The following KLF8 variants were observed in gnomAD, a reference collection of about 807,000 sequenced individuals.
KLF8 encodes Krueppel-like factor 8.
KLF8 carries 10 observed loss-of-function variants against 18.2 expected under a neutral mutation model. That is an observed-to-expected ratio of 0.55 (90% CI 0.34 to 0.93). The LOEUF (loss-of-function observed/expected upper bound fraction) is 0.93, where lower values mean the gene tolerates loss of function less well. Ranked by LOEUF, KLF8 falls within the 40% of genes least tolerant of loss-of-function variation. The pLI, the probability that KLF8 is intolerant of heterozygous loss-of-function variation, is 0.02. For missense variants in KLF8, 264 were observed against 277.9 expected, an observed-to-expected ratio of 0.95 and a Z score of 0.36; for synonymous variants, 109 against 97.3, an observed-to-expected ratio of 1.12 and a Z score of -0.71.
chrX:55,945,755 A>T, the KLF8 span, among the ~76,000 whole-genome samples: 1 of 111,361 alleles, frequency 9.0e-6, no homozygotes, highest in Non-Finnish European at 1.9e-5. Context: ...GTCTCAGCCC[A>T]AAATCTCCTT....
the KLF8 span, among the ~76,000 whole-genome samples, chrX:56,165,869 A>T: frequency 9.0e-6 from 1 of 110,720 alleles, no homozygotes; most frequent in African/African-American, 3.3e-5. Context: ...AAAAAAAAAA[A>T]AAAAGCCTTC....
the KLF8 span, among the ~76,000 whole-genome samples, chrX:56,051,189 T>C: frequency 9.0e-6 from 1 of 111,723 alleles, no homozygotes; most frequent in Non-Finnish European, 1.9e-5. Context: ...GTTTCCTGAA[T>C]ACAGCATACT....
At chrX:56,211,952 T>G in the KLF8 span, among the ~76,000 whole-genome samples, 1 of 111,221 alleles carries the variant, frequency 9.0e-6, no homozygotes, top group Non-Finnish European at 1.9e-5. Context: ...TCTCAGCGGC[T>G]CACCCAAGGC....
chrX:56,089,282 A>G, the KLF8 span, among the ~76,000 whole-genome samples: 2 of 112,107 alleles, frequency 1.8e-5, no homozygotes, highest in Non-Finnish European at 3.8e-5. Context: ...ACCAAGTAGT[A>G]AATGACTATT....
At chrX:55,921,425 C>T in the KLF8 span, among the ~76,000 whole-genome samples, 25 of 111,890 alleles carry the variant, frequency 2.2e-4, no homozygotes, top group Non-Finnish European at 7.5e-5. Context: ...GGGTACCATG[C>T]TGTTTTGGTT....
At chrX:56,050,024 A>T in the KLF8 span, among the ~76,000 whole-genome samples, 1 of 111,155 alleles carries the variant, frequency 9.0e-6, no homozygotes, top group Admixed American at 9.5e-5. Flanking sequence ...GAATTTACAC[A>T]TTTCTTCTAG....
chrX:56,096,762 G>A, the KLF8 span, among the ~76,000 whole-genome samples: 1 of 110,710 alleles, frequency 9.0e-6, no homozygotes, highest in Non-Finnish European at 1.9e-5. Flanking sequence ...ACTCTAGACA[G>A]GCTAATCTAA....
the KLF8 span, among the ~76,000 whole-genome samples, chrX:56,122,864 C>T: frequency 9.0e-6 from 1 of 111,290 alleles, no homozygotes; most frequent in East Asian, 2.8e-4. Flanking sequence ...GCTGGGACTA[C>T]AGCTGTGAGC....
At chrX:56,240,277 T>C (rs993619898) in intron 1 of KLF8, among the ~76,000 whole-genome samples, 1 of 112,097 alleles carries the variant, frequency 8.9e-6, no homozygotes, top group African/African-American at 3.2e-5. Flanking sequence ...GTCTTGGTGC[T>C]CCTGAGCCAC....
the KLF8 span, among the ~76,000 whole-genome samples, chrX:55,985,161 G>T: frequency 9.0e-6 from 1 of 111,016 alleles, no homozygotes; most frequent in East Asian, 2.8e-4. Context: ...TGCTTTTGTC[G>T]CAATTGCTCT....
At chrX:56,022,918 G>A in the KLF8 span, among the ~76,000 whole-genome samples, 1 of 110,724 alleles carries the variant, frequency 9.0e-6, no homozygotes, top group East Asian at 2.8e-4. Flanking sequence ...AGAAAATTAT[G>A]TATATATATA....
the KLF8 span, among the ~76,000 whole-genome samples, chrX:56,039,838 A>G: frequency 6.3e-5 from 7 of 111,449 alleles, no homozygotes; most frequent in African/African-American, 2.0e-4. Context: ...CATTTTTATT[A>G]TATTGATTTT....
the KLF8 span, among the ~76,000 whole-genome samples, chrX:55,982,118 G>A: frequency 9.0e-6 from 1 of 111,236 alleles, no homozygotes; most frequent in Non-Finnish European, 1.9e-5. Flanking sequence ...AGGAAAGCAA[G>A]CAGGGATTCA....
At chrX:56,107,901 T>G in the KLF8 span, among the ~76,000 whole-genome samples, 13 of 111,729 alleles carry the variant, frequency 1.2e-4, no homozygotes, top group Non-Finnish European at 2.4e-4. Flanking sequence ...TGTTTGAGAG[T>G]TTTTAGTGGA....
rs1404502924 is a variant in KLF8 at position 56,291,496 on chromosome X, C to CT, written c.*7008dup. Among the ~76,000 whole-genome samples the CT allele has an allele frequency of 1.8e-5, 2 of 112,042 alleles. No individual in the cohort carries two copies. The highest frequency in any genetic ancestry group is 3.2e-5 in the African/African-American group (1 of 30,833). ...AATCTTGTTCAGTTTAATTATTGTA[C>CT]TTTTTTATTAATAAAAAGGTCTTAA... On this transcript the variant is annotated 3_prime_UTR_variant, in exon 6 of 6. Transcript: ENST00000468660.
At chrX:56,221,405 G>A in the KLF8 span, among the ~76,000 whole-genome samples, 2 of 111,928 alleles carry the variant, frequency 1.8e-5, no homozygotes, top group Non-Finnish European at 3.8e-5. Context: ...GACCTCTAGG[G>A]TTCATTTCTG....
the KLF8 span, chrX:55,908,945 G>C: frequency 2.5e-5 from 3 of 120,920 alleles, no homozygotes; most frequent in African/African-American, 9.6e-5. Flanking sequence ...GGGAGGGGAA[G>C]GGAGGTGGTG....
At chrX:56,069,981 G>A in the KLF8 span, among the ~76,000 whole-genome samples, 1 of 112,766 alleles carries the variant, frequency 8.9e-6, no homozygotes, top group African/African-American at 3.2e-5. Flanking sequence ...ATTCACAATA[G>A]CAAAGACTTG....
Position 56,270,169 on chromosome X carries a change from T to A in KLF8, c.759-13T>A. The A allele has an allele frequency of 8.4e-7, 1 of 1,193,775 alleles. No homozygotes were observed. Among genetic ancestry groups the A allele is most frequent in the Non-Finnish European group, 1.1e-6 (1 of 886,900 alleles). On this transcript the variant is annotated splice_polypyrimidine_tract_variant and intron_variant, in intron 4 of 5. Coordinates refer to ENST00000468660, the MANE Select transcript of KLF8 (RefSeq NM_007250.5). ...AAGTCACTGTTTGGCTTTATCTCTA[T>A]TTCTTTGATCAGACCAGCAGCAATG...
Sources: allele counts gnomAD v4.1 joint callset (sites outside exome capture counted in the v4.1 genomes callset), GRCh38; gene constraint gnomAD v4.1.1; transcripts MANE v1.5; gene names NCBI Gene and HGNC (gene_info 2026-07-23, HGNC 2026-07-21).